Variants in MYH10 observed in about 807,000 individuals in gnomAD.
MYH10 encodes myosin heavy chain 10.
A neutral mutation model predicts 257.8 loss-of-function variants in MYH10; 55 were observed. That is an observed-to-expected ratio of 0.21 (90% CI 0.17 to 0.27). The LOEUF is 0.27. Among genes scored for constraint, MYH10 ranks in the 10% least tolerant of loss-of-function variants. The pLI is 1.00. For missense variants in MYH10, 1,631 were observed against 2,500.6 expected (o/e 0.65, Z 7.42); for synonymous variants, 854 against 921.7 (o/e 0.93, Z 1.33).
chr17:8,529,148 T>A (rs2081944723), intron 17 of MYH10, among the ~76,000 whole-genome samples: 2 of 151,938 alleles, frequency 1.3e-5, no homozygotes, highest in African/African-American at 4.8e-5. Flanking sequence ...CAGGAAAGAG[T>A]GTCCGTGCTT....
chr17:8,621,553 G>A (rs2085468367), intron 2 of MYH10, among the ~76,000 whole-genome samples: 1 of 152,070 alleles, frequency 6.6e-6, no homozygotes, highest in African/African-American at 2.4e-5. Flanking sequence ...AATCTCAGCT[G>A]GACTCTCAAC....
At chr17:8,561,159 A>G in intron 7 of MYH10, 1 of 641,580 alleles carries the variant, frequency 1.6e-6, no homozygotes, top group Non-Finnish European at 2.8e-6. Flanking sequence ...ACTCAGTAAC[A>G]AAAACAAACA....
In MYH10 at chr17:8,506,499, A is replaced by G; in HGVS notation, c.3215-10T>C. On this transcript the variant is annotated splice_polypyrimidine_tract_variant and intron_variant, in intron 26 of 42. Coordinates refer to ENST00000360416, the MANE Select transcript of MYH10 (RefSeq NM_001256012.3). This position sits in a 1 kb window ranked among gnomAD's most constrained non-coding sequence, Gnocchi z 5.0. Reference sequence around the variant, plus strand: ...TCCTTCTTTAAGCGTTCTTTAAGGTAAGACATAAGAAGCTCTTCAACACAC... The same window carrying G: ...TCCTTCTTTAAGCGTTCTTTAAGGTGAGACATAAGAAGCTCTTCAACACAC... The G allele has an allele frequency of 1.2e-6, 2 of 1,608,712 alleles. No individual in the cohort carries two copies. Among genetic ancestry groups the G allele is most frequent in the Non-Finnish European group, 1.7e-6 (2 of 1,178,730 alleles).
chr17:8,487,776 A>C (rs1285543532), intron 35 of MYH10, among the ~76,000 whole-genome samples, 182 bp from the exon 36 acceptor site: 1 of 152,166 alleles, frequency 6.6e-6, no homozygotes, highest in Admixed American at 6.5e-5. Context: ...AATTTTGTTC[A>C]AAGGGGTCTT....
rs1916389943 is a variant in MYH10, at chr17:8,495,193, CCTT to C, written c.3997_3999del (p.Lys1333del). 6.2e-7 allele frequency: 1 copy of C among 1,613,438 alleles called. No homozygotes were observed. The highest frequency in any genetic ancestry group is 8.5e-7 in the Non-Finnish European group (1 of 1,179,604). ...GCTGCATCCTTAGCAAATTTAATACCCTTCTTCTCTGCTTCTTCCAGAAGGGTG... is the reference window on the plus strand; with the variant it reads ...GCTGCATCCTTAGCAAATTTAATACCCTTCTCTGCTTCTTCCAGAAGGGTG... On this transcript the variant is annotated inframe_deletion, in exon 31 of 43. Transcript: ENST00000360416.
In MYH10 at chr17:8,513,374, T is replaced by C. The variant is rs1051812238; in HGVS notation, c.2745+164A>G. The stretch of plus-strand genomic sequence containing the variant: ...AGGCAGAATGTATCTGTTAACTCTA[T>C]TGGCAAAATATATACAATTTGGAAA... On this transcript the variant is annotated intron_variant, in intron 23 of 42. Coordinates refer to ENST00000360416, the MANE Select transcript of MYH10 (RefSeq NM_001256012.3). Among the ~76,000 whole-genome samples, 24 of 152,358 alleles carry C rather than the reference T, an allele frequency of 1.6e-4. No individual in the cohort carries two copies. In the East Asian group the frequency reaches 1.7e-3, roughly 11 times the overall value.
intron 14 of MYH10, among the ~76,000 whole-genome samples, chr17:8,536,742 T>G (rs1051132513): frequency 6.8e-6 from 1 of 147,566 alleles, no homozygotes; most frequent in Non-Finnish European, 1.5e-5. Flanking sequence ...GAGGTTGCAG[T>G]GAGCCGAGAT....
At chr17:8,576,460 A>G (rs1179088150) in intron 6 of MYH10, among the ~76,000 whole-genome samples, 183 bp downstream of exon 6, 2 of 152,250 alleles carry the variant, frequency 1.3e-5, no homozygotes, top group East Asian at 3.8e-4. Flanking sequence ...ACAAATTTAA[A>G]GCAAAACGGC....
chr17:8,540,670 T>C (rs1356496506), intron 14 of MYH10, among the ~76,000 whole-genome samples: 1 of 152,174 alleles, frequency 6.6e-6, no homozygotes, highest in East Asian at 1.9e-4. Context: ...AAACTGCAGG[T>C]ACATAATCAT....
Position 8,508,466 on chromosome 17 carries a change from T to C in MYH10, c.3214+88A>G, listed in dbSNP as rs1272437761. 9 of 1,549,656 alleles carry C rather than the reference T, an allele frequency of 5.8e-6. No individual in the cohort carries two copies. The East Asian group carries it at 1.6e-4, about 28-fold the overall frequency. On this transcript the variant is annotated intron_variant, in intron 26 of 42. Transcript: ENST00000360416. ...CCTTATTATTAGTAATCATCATGTA[T>C]ATTTTTTATTTTTGCATGTTCTGAT... is the stretch of plus-strand genomic sequence containing the variant.
In MYH10 at chr17:8,535,028, CAG is replaced by C. The variant is rs1402528504; in HGVS notation, c.1894+357_1894+358del. 1.3e-5 allele frequency among the ~76,000 whole-genome samples: 2 copies of C among 152,148 alleles called. No individual in the cohort carries two copies. The highest frequency in any genetic ancestry group is 2.4e-5 in the African/African-American group (1 of 41,424). On this transcript the variant is annotated intron_variant, in intron 16 of 42. Transcript: ENST00000360416. The surrounding 1 kb of genome is among the most constrained non-coding windows in gnomAD (Gnocchi z 4.3). ...AGGACGGAGCTCAGCAGGCCTGACA[CAG>C]GGAAAATGGAATGAGCAGGCCTTCT... is the stretch of plus-strand genomic sequence containing the variant.
intron 3 of MYH10, 110 bp downstream of exon 3, chr17:8,604,716 A>T: frequency 1.2e-6 from 1 of 813,522 alleles, no homozygotes; most frequent in Non-Finnish European, 1.7e-6. Context: ...CTTTTTTATT[A>T]ATTTTAAAAA....
Position 8,508,630 on chromosome 17 carries a change from C to A in MYH10, c.3138G>T (p.Leu1046=). The A allele has an allele frequency of 6.2e-7, 1 of 1,614,098 alleles. No homozygotes were observed. The highest frequency in any genetic ancestry group is 1.1e-5 in the South Asian group (1 of 91,072). The change falls in exon 26 of 43, where the codon CTG becomes CTT. Residue 1046 remains leucine (L), a synonymous_variant. Coordinates refer to ENST00000360416, the MANE Select transcript of MYH10 (RefSeq NM_001256012.3). ...TTTTCGCCTTTTCTTCCTCTTCAGC[C>A]AGCTGAGAGGAACACTCAGCAATGC... ...EDRIAECSSQ[L]AEEEEKAKNL... is the part of the protein sequence containing the mutation.
Position 8,554,037 on chromosome 17 carries a change from G to A in MYH10, c.757-19C>T. 3 of 1,585,246 alleles carry A rather than the reference G, an allele frequency of 1.9e-6. No individual in the cohort carries two copies. The highest frequency in any genetic ancestry group is 2.6e-6 in the Non-Finnish European group (3 of 1,154,800). On this transcript the variant is annotated intron_variant, in intron 7 of 42. Coordinates refer to ENST00000360416, the MANE Select transcript of MYH10 (RefSeq NM_001256012.3). ...ATTTGCCCTGAAAATAAATTAAAAA[G>A]AGAAAATTGAAAATAAGTAAGTACA...
At chr17:8,627,277 T>C (rs1015911856) in intron 1 of MYH10, among the ~76,000 whole-genome samples, 1 of 152,196 alleles carries the variant, frequency 6.6e-6, no homozygotes, top group Non-Finnish European at 1.5e-5. Context: ...CTTGAGCATT[T>C]TGTCTAGTCC....
chr17:8,514,488 T>C (rs528545241), intron 21 of MYH10, among the ~76,000 whole-genome samples: 1 of 152,140 alleles, frequency 6.6e-6, no homozygotes, highest in South Asian at 2.1e-4. Context: ...CTCACCTCCT[T>C]GTGACCATAC....
At position 8,561,493 on chromosome 17, in the gene MYH10, C is replaced by T. The variant is rs1032957797; in HGVS notation, c.757-7475G>A. 1.9e-5 allele frequency: 27 copies of T among 1,433,912 alleles called. No individual in the cohort carries two copies. In the Middle Eastern group the frequency reaches 1.9e-3, roughly 103 times the overall value. The allele number at this position is 1,433,912 out of a possible 1,614,324, so 88.8% of individuals were successfully genotyped here. A position where few individuals can be genotyped will look rare whatever the true frequency, so the allele number is the denominator to read the frequency against. On this transcript the variant is annotated intron_variant, in intron 7 of 42. Transcript: ENST00000360416. ...CAGCAAAGTAGTCAGGAATCGATCTCGTGAAGCCCGCAAGGACCGAACACC... is the reference window on the plus strand; with the variant it reads ...CAGCAAAGTAGTCAGGAATCGATCTTGTGAAGCCCGCAAGGACCGAACACC...
At chr17:8,488,615 G>A (rs1201245615) in intron 35 of MYH10, among the ~76,000 whole-genome samples, 5 of 152,166 alleles carry the variant, frequency 3.3e-5, no homozygotes, top group Admixed American at 2.6e-4. Context: ...TTCCTGCAAA[G>A]AGGATGATGG....
Position 8,508,534 on chromosome 17 carries a change from C to T in MYH10, c.3214+20G>A. ...ACTCACATGTCCTAGTCCCTGATTT[C>T]TCTAGCCCCAAATACTAACCTTCTA... On this transcript the variant is annotated intron_variant, in intron 26 of 42. Coordinates refer to ENST00000360416, the MANE Select transcript of MYH10 (RefSeq NM_001256012.3). 6.2e-7 allele frequency: 1 copy of T among 1,613,984 alleles called. No homozygotes were observed. Among genetic ancestry groups the T allele is most frequent in the Non-Finnish European group, 8.5e-7 (1 of 1,179,896 alleles).
Sources: allele counts gnomAD v4.1 joint callset (sites outside exome capture counted in the v4.1 genomes callset), GRCh38; gene constraint gnomAD v4.1.1; non-coding constraint Gnocchi (gnomAD v3.1); transcripts MANE v1.5; gene names NCBI Gene and HGNC (gene_info 2026-07-23, HGNC 2026-07-21).